Variants in PALS2 observed in about 807,000 individuals in gnomAD.
PALS2 encodes the protein protein PALS2.
A neutral mutation model predicts 61.6 loss-of-function variants in PALS2; 27 were observed. The ratio of observed to expected loss-of-function variants is 0.44; its 90% CI spans 0.32 to 0.60. PALS2 has a LOEUF of 0.60. Ranked by LOEUF, PALS2 falls within the 20% of genes least tolerant of loss-of-function variation. The probability of loss-of-function intolerance (pLI) is 0.05; values close to 1 mark genes in which losing one functional copy is unlikely to be tolerated. For missense variants in PALS2, 554 were observed against 639.4 expected, an observed-to-expected ratio of 0.87 and a Z score of 1.44; for synonymous variants, 236 against 218.6, an observed-to-expected ratio of 1.08 and a Z score of -0.70.
At chr7:24,632,374 G>T (rs879421437) in intron 2 of PALS2, among the ~76,000 whole-genome samples, 2 of 151,920 alleles carry the variant, frequency 1.3e-5, no homozygotes, top group South Asian at 4.2e-4. Flanking sequence ...CATGTAATTC[G>T]ATCTTTTTTA....
chr7:24,624,414 C>T (rs555779065), intron 2 of PALS2, among the ~76,000 whole-genome samples: 3 of 152,022 alleles, frequency 2.0e-5, no homozygotes, highest in African/African-American at 7.2e-5. Context: ...ATGCCACATG[C>T]CTTCTTTGAT....
chr7:24,573,510 C>A lies in PALS2; in HGVS notation c.-86C>A. 1 of 383,954 alleles carries A rather than the reference C, an allele frequency of 2.6e-6. No individual in the cohort carries two copies. Among genetic ancestry groups the A allele is most frequent in the East Asian group, 3.7e-5 (1 of 27,214 alleles). 23.8% of individuals were successfully genotyped at this position (383,954 alleles called of 1,614,324 possible). A position where few individuals can be genotyped will look rare whatever the true frequency, so the allele number is the denominator to read the frequency against. On this transcript the variant is annotated 5_prime_UTR_variant, in exon 1 of 12. The change creates a new upstream start codon in the 5' untranslated region. Transcript: ENST00000222644. The surrounding 1 kb of genome is among the most constrained non-coding windows in gnomAD (Gnocchi z 5.3). ...TGCAGATGGGGCTGCTCGGCGGCGC[C>A]TGTGGCTGAGGGAGAGCAGCGGCGG...
At chr7:24,666,773 C>A (rs534151662) in intron 8 of PALS2, 1 of 151,880 alleles carries the variant, frequency 6.6e-6, no homozygotes, top group African/African-American at 2.4e-5. Flanking sequence ...AAAATAAGAC[C>A]CCAGACCTGG....
chr7:24,630,319 G>A (rs886301287), intron 2 of PALS2, among the ~76,000 whole-genome samples: 3 of 152,022 alleles, frequency 2.0e-5, no homozygotes, highest in Admixed American at 6.6e-5. Flanking sequence ...ATCACACACC[G>A]ATCCCTGTCG....
chr7:24,623,831 T>A, intron 2 of PALS2, 47 bp downstream of exon 2: 1 of 1,346,406 alleles, frequency 7.4e-7, no homozygotes, highest in Non-Finnish European at 1.0e-6. Flanking sequence ...TGGACTTAGT[T>A]TTTATAGAGA....
intron 1 of PALS2, among the ~76,000 whole-genome samples, chr7:24,604,064 G>T (rs1019780418): frequency 1.3e-5 from 2 of 151,878 alleles, no homozygotes; most frequent in African/African-American, 2.4e-5. Flanking sequence ...GGAAAATACA[G>T]TCTGGGCATT....
chr7:24,664,199 A>G (rs1179920769), intron 6 of PALS2, among the ~76,000 whole-genome samples: 2 of 152,158 alleles, frequency 1.3e-5, no homozygotes, highest in African/African-American at 4.8e-5. Flanking sequence ...AGATATTGGG[A>G]AATGGAGGTT....
At chr7:24,615,560 A>T (rs1041231024) in intron 1 of PALS2, among the ~76,000 whole-genome samples, 4 of 152,014 alleles carry the variant, frequency 2.6e-5, no homozygotes, top group Non-Finnish European at 5.9e-5. Flanking sequence ...AGACCTGAAC[A>T]GACCAACAAT....
At chr7:24,683,827 CAAATT>C (rs938903696) in intron 11 of PALS2, among the ~76,000 whole-genome samples, 2 of 152,170 alleles carry the variant, frequency 1.3e-5, no homozygotes, top group African/African-American at 4.8e-5. Flanking sequence ...ATTTTCCAAT[CAAATT>C]CAAGATTACA....
intron 11 of PALS2, among the ~76,000 whole-genome samples, chr7:24,682,401 C>T (rs182549200): frequency 8.5e-5 from 13 of 152,186 alleles, no homozygotes; most frequent in African/African-American, 2.7e-4. Context: ...TGCTGCTCTT[C>T]CCCTCTGGCA....
chr7:24,587,465 A>G (rs1398852268), intron 1 of PALS2, among the ~76,000 whole-genome samples: 2 of 151,664 alleles, frequency 1.3e-5, no homozygotes, highest in Non-Finnish European at 2.9e-5. Flanking sequence ...GCAACCTTAA[A>G]TTTCTGGGCT....
At position 24,687,645 on chromosome 7, in the gene PALS2, A is replaced by T. The variant is rs763728779; in HGVS notation, c.*31A>T. On this transcript the variant is annotated 3_prime_UTR_variant, in exon 12 of 12. Coordinates refer to ENST00000222644, the MANE Select transcript of PALS2 (RefSeq NM_001303037.2). This position sits in a 1 kb window ranked among gnomAD's most constrained non-coding sequence, Gnocchi z 4.5. ...CAGTAAGGTTAACAATGAAAATTAA[A>T]CTCTTAAAAAGTGACTGCAACAAAT... The T allele has an allele frequency of 6.4e-7, 1 of 1,559,162 alleles. No homozygotes were observed. Among genetic ancestry groups the T allele is most frequent in the Admixed American group, 2.2e-5 (1 of 46,084 alleles).
intron 2 of PALS2, among the ~76,000 whole-genome samples, chr7:24,640,849 A>C (rs913615149): frequency 2.6e-5 from 4 of 151,968 alleles, no homozygotes; most frequent in Non-Finnish European, 4.4e-5. Flanking sequence ...TCTACTAAAA[A>C]TACAAAAAAT....
rs1260904891 is a variant in PALS2, at chr7:24,573,693, A to G, written c.-3+100A>G. 2 of 166,102 alleles carry G rather than the reference A, an allele frequency of 1.2e-5. No homozygotes were observed. The highest frequency in any genetic ancestry group is 2.5e-5 in the Non-Finnish European group (2 of 80,082). 10.3% of individuals were successfully genotyped at this position (166,102 alleles called of 1,614,324 possible). On this transcript the variant is annotated intron_variant, in intron 1 of 11. Coordinates refer to ENST00000222644, the MANE Select transcript of PALS2 (RefSeq NM_001303037.2). This position sits in a 1 kb window ranked among gnomAD's most constrained non-coding sequence, Gnocchi z 5.3. The stretch of plus-strand genomic sequence containing the variant: ...GCTCGGCGCGGCGCGCCACGCGGGG[A>G]CCCTGGCCCGCCCCGCCCCCCTCGG...
At chr7:24,595,789 T>A (rs1783501927) in intron 1 of PALS2, among the ~76,000 whole-genome samples, 1 of 151,014 alleles carries the variant, frequency 6.6e-6, no homozygotes, top group Non-Finnish European at 1.5e-5. Flanking sequence ...ATTGAATGCT[T>A]GGGTTTACTT....
At chr7:24,680,345 T>C in intron 10 of PALS2, 47 bp from the exon 11 acceptor site, 3 of 1,562,296 alleles carry the variant, frequency 1.9e-6, no homozygotes, top group Non-Finnish European at 8.8e-7. Flanking sequence ...AGCAGAATTC[T>C]AGTTCTAATA....
chr7:24,643,801 A>G (rs750468261), intron 3 of PALS2, among the ~76,000 whole-genome samples: 12 of 152,138 alleles, frequency 7.9e-5, no homozygotes, highest in African/African-American at 2.4e-4. Flanking sequence ...CAGAAGTTCT[A>G]TCTAAAAAGT....
At chr7:24,682,130 T>G (rs1037075548) in intron 11 of PALS2, among the ~76,000 whole-genome samples, 10 of 152,114 alleles carry the variant, frequency 6.6e-5, no homozygotes, top group Non-Finnish European at 1.3e-4. Flanking sequence ...TTTAAATGTG[T>G]TAGGTAAGAC....
intron 3 of PALS2, among the ~76,000 whole-genome samples, chr7:24,645,554 G>A (rs957435867): frequency 2.0e-5 from 3 of 152,040 alleles, no homozygotes; most frequent in Admixed American, 6.6e-5. Flanking sequence ...GTAATGTGAT[G>A]CCCCCAGCTT....
Sources: allele counts gnomAD v4.1 joint callset (sites outside exome capture counted in the v4.1 genomes callset), GRCh38; gene constraint gnomAD v4.1.1; non-coding constraint Gnocchi (gnomAD v3.1); transcripts MANE v1.5; gene names NCBI Gene and HGNC (gene_info 2026-07-23, HGNC 2026-07-21).